The following ERC2 variants were observed in gnomAD, a reference collection of about 807,000 sequenced individuals.
ERC2 encodes the protein ERC protein 2.
In ERC2, 42 loss-of-function variants were observed where a neutral mutation model predicts 114.8. That is an observed-to-expected ratio of 0.37 (90% confidence interval 0.29 to 0.47). ERC2 has a LOEUF of 0.47. Among genes scored for constraint, ERC2 ranks in the 20% least tolerant of loss-of-function variants. ERC2 has a pLI of 0.99. For synonymous variants in ERC2, 454 were observed against 425.5 expected, an observed-to-expected ratio of 1.07 and a Z score of -0.82; for missense variants, 939 against 1,150.7, an observed-to-expected ratio of 0.82 and a Z score of 2.66.
chr3:56,003,191 C>CA (rs1218661074), intron 10 of ERC2: 3 of 1,236,996 alleles, frequency 2.4e-6, no homozygotes, highest in African/African-American at 3.1e-5. Flanking sequence ...AGGAAAGATC[C>CA]AGAAAAACAG....
chr3:55,695,190 G>GA (rs1053541616), intron 16 of ERC2, among the ~76,000 whole-genome samples: 1 of 152,176 alleles, frequency 6.6e-6, no homozygotes, highest in African/African-American at 2.4e-5. Context: ...GGTAACCTAA[G>GA]AAAAATCTCT....
chr3:55,859,354 T>C (rs1477147739), intron 14 of ERC2, among the ~76,000 whole-genome samples: 1 of 152,046 alleles, frequency 6.6e-6, no homozygotes, highest in Admixed American at 6.5e-5. Context: ...TGTTTACTGT[T>C]TTTGAACACC....
chr3:55,551,429 A>G (rs1385380533), intron 17 of ERC2, among the ~76,000 whole-genome samples: 1 of 152,174 alleles, frequency 6.6e-6, no homozygotes, highest in African/African-American at 2.4e-5. Context: ...AGGCTAAGCC[A>G]GGAGAATTGG....
intron 15 of ERC2, among the ~76,000 whole-genome samples, chr3:55,707,738 A>G (rs1355952242): frequency 6.6e-6 from 1 of 152,242 alleles, no homozygotes; most frequent in Non-Finnish European, 1.5e-5. Flanking sequence ...TCAGTCTGAC[A>G]TCAACCCTGC....
intron 14 of ERC2, among the ~76,000 whole-genome samples, chr3:55,774,478 C>T (rs2068454472): frequency 6.6e-6 from 1 of 152,252 alleles, no homozygotes; most frequent in Non-Finnish European, 1.5e-5. Flanking sequence ...CTTTCCTTGG[C>T]TCTCCTGTTT....
At chr3:55,778,423 C>G (rs939237022) in intron 14 of ERC2, among the ~76,000 whole-genome samples, 1 of 152,198 alleles carries the variant, frequency 6.6e-6, no homozygotes, top group Non-Finnish European at 1.5e-5. Context: ...TTTCACTAGA[C>G]ATAATGCCTA....
At chr3:55,974,155 A>G (rs944428438) in intron 12 of ERC2, among the ~76,000 whole-genome samples, 1 of 152,204 alleles carries the variant, frequency 6.6e-6, no homozygotes, top group Non-Finnish European at 1.5e-5. Flanking sequence ...GGAAAAAAAT[A>G]AAAAACACCT....
intron 14 of ERC2, among the ~76,000 whole-genome samples, chr3:55,860,106 T>C (rs1434183830): frequency 6.6e-6 from 1 of 152,164 alleles, no homozygotes; most frequent in Non-Finnish European, 1.5e-5. Flanking sequence ...AGCCCCATAC[T>C]TAGGCCTCGG....
intron 17 of ERC2, among the ~76,000 whole-genome samples, chr3:55,574,919 G>A (rs1253429582): frequency 1.3e-5 from 2 of 152,156 alleles, no homozygotes; most frequent in Admixed American, 6.5e-5. Context: ...GTAAGTGCCC[G>A]CTCATCCATG....
chr3:56,237,891 CT>C (rs3054904), intron 3 of ERC2, among the ~76,000 whole-genome samples: 85,482 of 140,862 alleles, frequency 0.61, 25,405 homozygotes, highest in East Asian at 0.76. Flanking sequence ...CTATTTTTTC[CT>C]TTTTTTTTTT....
At chr3:55,768,436 G>T (rs552756131) in intron 14 of ERC2, among the ~76,000 whole-genome samples, 1 of 152,332 alleles carries the variant, frequency 6.6e-6, no homozygotes, top group South Asian at 2.1e-4. Flanking sequence ...GAACACAAAG[G>T]ACTAGGTTTT....
chr3:56,217,140 G>T (rs552781022), intron 3 of ERC2, among the ~76,000 whole-genome samples: 2 of 152,222 alleles, frequency 1.3e-5, no homozygotes, highest in Admixed American at 1.3e-4. Flanking sequence ...TTCTGGCCAG[G>T]GCAATCAGTC....
Position 55,990,675 on chromosome 3 carries a change from C to T in ERC2, c.2255+1382G>A, listed in dbSNP as rs150290023. ...AAGCCATCCTCTCACCTTGGCCTCC[C>T]AAAGTGCTGGGATTATAGATACGAG... On this transcript the variant is annotated intron_variant, in intron 11 of 17. Transcript: ENST00000288221. Among the ~76,000 whole-genome samples the T allele has an allele frequency of 2.7e-3, 406 of 152,290 alleles. 5 individuals carry two copies. Among genetic ancestry groups the T allele is most frequent in the African/African-American group, 9.2e-3 (384 of 41,558 alleles).
intron 17 of ERC2, among the ~76,000 whole-genome samples, chr3:55,605,045 T>TA (rs1250439444): frequency 9.2e-5 from 14 of 152,320 alleles, no homozygotes; most frequent in East Asian, 5.8e-4. Context: ...GCACTGCACT[T>TA]AGAGAACCTG....
intron 6 of ERC2, among the ~76,000 whole-genome samples, chr3:56,136,418 T>C (rs1224050718): frequency 6.6e-6 from 1 of 151,566 alleles, no homozygotes; most frequent in Non-Finnish European, 1.5e-5. Context: ...ATGAGCACCA[T>C]ATCTTTTTTT....
chr3:55,984,509 G>C (rs2070431493), intron 12 of ERC2, among the ~76,000 whole-genome samples: 1 of 152,108 alleles, frequency 6.6e-6, no homozygotes, highest in Non-Finnish European at 1.5e-5. Context: ...AGAAAAGCTT[G>C]AAGCTTCATT....
At chr3:55,582,404 C>T (rs900159275) in intron 17 of ERC2, among the ~76,000 whole-genome samples, 11 of 152,232 alleles carry the variant, frequency 7.2e-5, no homozygotes, top group South Asian at 2.1e-4. Context: ...CACCGACCTG[C>T]TCTCCTCCTC....
At chr3:56,068,709 G>A (rs1422551590) in intron 7 of ERC2, among the ~76,000 whole-genome samples, 1 of 152,120 alleles carries the variant, frequency 6.6e-6, no homozygotes, top group Non-Finnish European at 1.5e-5. Context: ...TCTTAACACT[G>A]CTTTAGCTGT....
At chr3:56,251,022 G>A (rs990736662) in intron 3 of ERC2, among the ~76,000 whole-genome samples, 3 of 152,210 alleles carry the variant, frequency 2.0e-5, no homozygotes, top group Non-Finnish European at 2.9e-5. Flanking sequence ...CAGGCTGCCT[G>A]GAGAGTGAGA....
Sources: gnomAD v4.1 joint callset for allele counts (sites outside exome capture counted in the v4.1 genomes callset) on GRCh38, gnomAD v4.1.1 for gene constraint, MANE v1.5 for transcripts, NCBI Gene and HGNC (gene_info 2026-07-23, HGNC 2026-07-21) for gene names.